The following SLF1 variants were observed in gnomAD, a reference collection of about 807,000 sequenced individuals.
SLF1 encodes the protein SMC5/6 complex localization factor 1, also known as SMC5-SMC6 complex localization factor protein 1.
In SLF1, 105 loss-of-function variants were observed where a neutral mutation model predicts 123.0. The observed-to-expected ratio is 0.85, with a 90% CI of 0.73 to 1.00. SLF1 has a LOEUF of 1.00. Ranked by LOEUF, SLF1 falls within the 50% of genes least tolerant of loss-of-function variation. SLF1 has a pLI of 0.00. For missense variants in SLF1, 1,239 were observed against 1,223.0 expected (o/e 1.01, Z -0.20); for synonymous variants, 434 against 406.6 (o/e 1.07, Z -0.81).
At chr5:94,676,279 C>T (rs530201796) in intron 14 of SLF1, among the ~76,000 whole-genome samples, 8 of 152,292 alleles carry the variant, frequency 5.3e-5, no homozygotes, top group Admixed American at 2.0e-4. Context: ...GATTAACTAA[C>T]TTGCTCAGAG....
intron 4 of SLF1, among the ~76,000 whole-genome samples, chr5:94,633,028 T>C (rs1296824437): frequency 6.6e-6 from 1 of 151,980 alleles, no homozygotes; most frequent in Non-Finnish European, 1.5e-5. Context: ...TTTGCTCTTG[T>C]TGCCCCGGCT....
chr5:94,657,523 A>G (rs187761184), intron 9 of SLF1, among the ~76,000 whole-genome samples: 2 of 152,168 alleles, frequency 1.3e-5, no homozygotes, highest in Admixed American at 1.3e-4. Flanking sequence ...AAGCTGTTAG[A>G]TAAAATGTTC....
intron 4 of SLF1, among the ~76,000 whole-genome samples, chr5:94,636,194 CCTG>C (rs1248795933): frequency 7.2e-5 from 11 of 152,060 alleles, no homozygotes; most frequent in African/African-American, 2.7e-4. Context: ...TTTCTTATCT[CCTG>C]CTGCTTTCAG....
At chr5:94,643,230 T>G (rs561476803) in intron 4 of SLF1, 43 bp from the exon 5 acceptor site, 2 of 1,405,138 alleles carry the variant, frequency 1.4e-6, no homozygotes, top group Non-Finnish European at 1.9e-6. Flanking sequence ...CTAAAGAAAC[T>G]CAAATTTTCT....
chr5:94,653,225 CAT>C (rs1561443919), intron 7 of SLF1, 45 bp from the exon 8 acceptor site: 3 of 1,430,306 alleles, frequency 2.1e-6, no homozygotes, highest in Non-Finnish European at 2.8e-6. Flanking sequence ...GATTTTGTAA[CAT>C]ATGTCATTGA....
intron 15 of SLF1, among the ~76,000 whole-genome samples, chr5:94,680,494 A>G (rs1281835824): frequency 1.3e-5 from 2 of 152,170 alleles, no homozygotes; most frequent in African/African-American, 4.8e-5. Flanking sequence ...GAATTCTGGC[A>G]TTATTTGCTA....
intron 18 of SLF1, among the ~76,000 whole-genome samples, 153 bp downstream of exon 18, chr5:94,689,759 G>A (rs1455188931): frequency 1.3e-5 from 2 of 152,090 alleles, no homozygotes; most frequent in African/African-American, 4.8e-5. Flanking sequence ...TTATTTTCTT[G>A]AACTGTCATT....
intron 1 of SLF1, among the ~76,000 whole-genome samples, chr5:94,624,375 A>T (rs897675614): frequency 1.3e-5 from 2 of 152,182 alleles, no homozygotes; most frequent in African/African-American, 4.8e-5. Context: ...TTGACAGAAA[A>T]TGCTGTTAAA....
intron 19 of SLF1, 89 bp from the exon 20 acceptor site, chr5:94,691,985 C>G (rs1403711519): frequency 7.8e-7 from 1 of 1,278,942 alleles, no homozygotes; most frequent in African/African-American, 1.5e-5. Flanking sequence ...CCTAGAAAGT[C>G]ACACTGATGA....
intron 5 of SLF1, among the ~76,000 whole-genome samples, chr5:94,648,020 A>G (rs1227717345): frequency 4.6e-5 from 7 of 152,158 alleles, no homozygotes; most frequent in African/African-American, 1.7e-4. Flanking sequence ...TGCATTCTCC[A>G]TAATGAGAAT....
At position 94,630,533 on chromosome 5, in the gene SLF1, T is replaced by C. The variant is rs775622208; in HGVS notation, c.221T>C (p.Ile74Thr). Residue 74 changes from isoleucine (I) to threonine (T), a missense_variant, in exon 4 of 21, where the codon ATT becomes ACT. Ile to Thr is a moderately conservative substitution (Grantham distance 89). Coordinates refer to ENST00000265140, the MANE Select transcript of SLF1 (RefSeq NM_032290.4). ...GKWILTKDYI[I>T]HSAKSGRWLD... is the part of the protein sequence containing the mutation. ...TGGATACTAACCAAGGACTATATAA[T>C]TCATAGTGCCAAAAGTGGCAGATGG... 8.4e-6 allele frequency: 13 copies of C among 1,551,528 alleles called. No homozygotes were observed. In the Admixed American group the frequency reaches 1.6e-4, roughly 19 times the overall value.
chr5:94,648,674 G>A (rs1747338720), intron 5 of SLF1, among the ~76,000 whole-genome samples: 2 of 152,102 alleles, frequency 1.3e-5, no homozygotes, highest in Admixed American at 6.5e-5. Flanking sequence ...TAGCGATGGG[G>A]TTTCACCATG....
intron 20 of SLF1, among the ~76,000 whole-genome samples, chr5:94,693,741 TC>T (rs1279872900): frequency 6.6e-6 from 1 of 151,438 alleles, no homozygotes; most frequent in African/African-American, 2.4e-5. Context: ...GTATCCTGTG[TC>T]CGTAATTTTG....
intron 1 of SLF1, among the ~76,000 whole-genome samples, chr5:94,622,664 A>G (rs546805660): frequency 3.3e-5 from 5 of 152,170 alleles, no homozygotes; most frequent in Non-Finnish European, 5.9e-5. Flanking sequence ...AGTGCATGTT[A>G]AAATTGAAAG....
At chr5:94,655,441 G>A (rs1748261856) in intron 9 of SLF1, among the ~76,000 whole-genome samples, 1 of 152,056 alleles carries the variant, frequency 6.6e-6, no homozygotes, top group Admixed American at 6.5e-5. Flanking sequence ...AGGGTCTTTT[G>A]CAGTTGTTTA....
At chr5:94,631,663 T>C (rs762898222) in intron 4 of SLF1, among the ~76,000 whole-genome samples, 4 of 152,236 alleles carry the variant, frequency 2.6e-5, no homozygotes, top group African/African-American at 7.2e-5. Context: ...TTGGTAGATA[T>C]TTGGGATTTT....
At chr5:94,642,265 C>T (rs1474213866) in intron 4 of SLF1, among the ~76,000 whole-genome samples, 1 of 152,138 alleles carries the variant, frequency 6.6e-6, no homozygotes, top group Non-Finnish European at 1.5e-5. Context: ...AGGAGAGCTC[C>T]CTGCATTTCT....
chr5:94,689,342 A>C (rs71641023), intron 17 of SLF1, 131 bp from the exon 18 acceptor site: 54,136 of 893,496 alleles, frequency 0.061, 1,971 homozygotes, highest in South Asian at 0.1. Flanking sequence ...AAAATTAGAA[A>C]GCAGTAAAGA....
At chr5:94,655,541 A>C (rs1748274285) in intron 9 of SLF1, among the ~76,000 whole-genome samples, 1 of 152,132 alleles carries the variant, frequency 6.6e-6, no homozygotes, top group South Asian at 2.1e-4. Context: ...TACTTTGGGC[A>C]ATTTGGTTAT....
Sources: allele counts gnomAD v4.1 joint callset (sites outside exome capture counted in the v4.1 genomes callset), GRCh38; gene constraint gnomAD v4.1.1; transcripts MANE v1.5; gene names NCBI Gene and HGNC (gene_info 2026-07-23, HGNC 2026-07-21).